Variants in SGCG observed in about 807,000 individuals in gnomAD.
The protein encoded by SGCG is gamma-sarcoglycan.
Under a neutral mutation model 29.3 loss-of-function variants are expected in SGCG, and 26 were observed. The observed-to-expected ratio is 0.89, with a 90% CI of 0.65 to 1.23. SGCG has a LOEUF of 1.23. Among genes scored for constraint, SGCG ranks in the 50% most tolerant of loss-of-function variants. The probability of loss-of-function intolerance (pLI) is 0.00; values close to 1 mark genes in which losing one functional copy is unlikely to be tolerated. For missense variants in SGCG, 353 were observed against 356.0 expected (o/e 0.99, Z 0.07); for synonymous variants, 145 against 129.7 (o/e 1.12, Z -0.80).
intron 1 of SGCG, among the ~76,000 whole-genome samples, chr13:23,202,006 T>G (rs977105420): frequency 6.6e-6 from 1 of 152,188 alleles, no homozygotes; most frequent in African/African-American, 2.4e-5. Flanking sequence ...AGATGGCATG[T>G]GTGCTGCTAC....
intron 1 of SGCG, among the ~76,000 whole-genome samples, chr13:23,190,302 C>T (rs1173216607): frequency 6.6e-6 from 1 of 152,032 alleles, no homozygotes; most frequent in Non-Finnish European, 1.5e-5. Context: ...TAGTAGTAAT[C>T]TCCAGAACTT....
At chr13:23,186,621 A>T (rs1876983813) in intron 1 of SGCG, among the ~76,000 whole-genome samples, 2 of 152,250 alleles carry the variant, frequency 1.3e-5, no homozygotes, top group South Asian at 4.1e-4. Flanking sequence ...TTGATTTTGG[A>T]TGTACAGAAC....
intron 4 of SGCG, among the ~76,000 whole-genome samples, chr13:23,261,088 G>T (rs993846757): frequency 5.3e-5 from 8 of 152,078 alleles, no homozygotes; most frequent in Non-Finnish European, 1.0e-4. Flanking sequence ...GGCCTCCCTT[G>T]CTAGGCTGGG....
At chr13:23,236,864 A>C (rs1387363738) in intron 3 of SGCG, among the ~76,000 whole-genome samples, 1 of 152,178 alleles carries the variant, frequency 6.6e-6, no homozygotes, top group Non-Finnish European at 1.5e-5. Flanking sequence ...CAATTTGAAT[A>C]ATATTATGTG....
intron 1 of SGCG, among the ~76,000 whole-genome samples, chr13:23,192,174 CAAA>C (rs1201131052): frequency 7.1e-5 from 8 of 112,820 alleles, no homozygotes; most frequent in Non-Finnish European, 7.1e-5. Context: ...GACTGCGTCC[CAAA>C]AAAAAAAAAA....
At chr13:23,259,459 G>A (rs1336435348) in intron 4 of SGCG, among the ~76,000 whole-genome samples, 1 of 151,868 alleles carries the variant, frequency 6.6e-6, no homozygotes, top group Non-Finnish European at 1.5e-5. Context: ...GTTCCTAGCG[G>A]TCTATCAATT....
chr13:23,318,521 C>T (rs1274656479), intron 6 of SGCG, among the ~76,000 whole-genome samples: 1 of 151,274 alleles, frequency 6.6e-6, no homozygotes, highest in Admixed American at 6.6e-5. Flanking sequence ...TTCTGTGACA[C>T]TGTTCAAAAC....
intron 5 of SGCG, among the ~76,000 whole-genome samples, chr13:23,292,127 T>TTTTTTTTTTTTTTTTTG (rs1881734729): frequency 6.6e-6 from 1 of 151,992 alleles, no homozygotes; most frequent in Admixed American, 6.6e-5. Flanking sequence ...TTCTTTTTTT[T>TTTTTTTTTTTTTTTTTG]GAGATAGAGT....
chr13:23,166,281 C>T, the SGCG span, among the ~76,000 whole-genome samples: 8 of 152,042 alleles, frequency 5.3e-5, no homozygotes, highest in Admixed American at 4.6e-4. Context: ...CTGCAACATC[C>T]GCCTCCCGAG....
chr13:23,285,431 A>G (rs4770425), intron 5 of SGCG, among the ~76,000 whole-genome samples: 96,928 of 151,786 alleles, frequency 0.64, 32,619 homozygotes, highest in Middle Eastern at 0.84. Context: ...GCTAACTCAA[A>G]CCTCAGTAAT....
At chr13:23,298,528 A>G (rs1881998765) in intron 6 of SGCG, among the ~76,000 whole-genome samples, 1 of 152,218 alleles carries the variant, frequency 6.6e-6, no homozygotes, top group African/African-American at 2.4e-5. Context: ...TAACATAAAA[A>G]TAGATTGTGA....
At chr13:23,185,167 A>T (rs1299022805) in intron 1 of SGCG, among the ~76,000 whole-genome samples, 2 of 152,106 alleles carry the variant, frequency 1.3e-5, no homozygotes, top group Non-Finnish European at 2.9e-5. Context: ...AACATTAGTG[A>T]TCCTGACAAC....
intron 6 of SGCG, among the ~76,000 whole-genome samples, chr13:23,318,560 T>C (rs1447116255): frequency 6.6e-6 from 1 of 151,808 alleles, no homozygotes; most frequent in Non-Finnish European, 1.5e-5. Flanking sequence ...AGTCATAATA[T>C]TTATGTATTT....
At chr13:23,176,541 T>C (rs1426788583), upstream of SGCG, among the ~76,000 whole-genome samples, 2 of 152,152 alleles carry the variant, frequency 1.3e-5, no homozygotes, top group African/African-American at 4.8e-5. Context: ...TTATTTTTTC[T>C]GATACAACTA....
intron 1 of SGCG, among the ~76,000 whole-genome samples, chr13:23,193,100 CAGG>C (rs1274342868): frequency 1.3e-5 from 2 of 152,170 alleles, no homozygotes; most frequent in Non-Finnish European, 2.9e-5. Flanking sequence ...AGGCTGAGGT[CAGG>C]AGGACAGAGT....
intron 5 of SGCG, among the ~76,000 whole-genome samples, chr13:23,292,467 C>T (rs569740622): frequency 6.6e-6 from 1 of 152,296 alleles, no homozygotes; most frequent in South Asian, 2.1e-4. Flanking sequence ...AGATATGCCC[C>T]AAATTGCAAT....
chr13:23,199,393 A>C (rs1877651353), intron 1 of SGCG, among the ~76,000 whole-genome samples: 2 of 152,250 alleles, frequency 1.3e-5, no homozygotes, highest in African/African-American at 2.4e-5. Context: ...CCACTAATGC[A>C]GTTGCCTGAC....
At chr13:23,234,285 C>A (rs762329427) in intron 2 of SGCG, among the ~76,000 whole-genome samples, 9 of 152,062 alleles carry the variant, frequency 5.9e-5, no homozygotes, top group Non-Finnish European at 1.2e-4. Context: ...GACCTGTACA[C>A]CTCAAAACAA....
At chr13:23,183,043 T>C (rs1413236229) in intron 1 of SGCG, among the ~76,000 whole-genome samples, 1 of 152,186 alleles carries the variant, frequency 6.6e-6, no homozygotes, top group Admixed American at 6.5e-5. Flanking sequence ...CTGGAAAGTC[T>C]AACATCAATG....
Sources: gnomAD v4.1 joint callset for allele counts (sites outside exome capture counted in the v4.1 genomes callset) on GRCh38, gnomAD v4.1.1 for gene constraint, MANE v1.5 for transcripts, NCBI Gene and HGNC (gene_info 2026-07-23, HGNC 2026-07-21) for gene names.